CD300LD: variants seen among roughly 807,000 people sequenced by gnomAD.
The protein encoded by CD300LD is CMRF35-like molecule 5.
Under a neutral mutation model 20.3 loss-of-function variants are expected in CD300LD, and 18 were observed. That is an observed-to-expected ratio of 0.89 (90% CI 0.61 to 1.32). CD300LD has a LOEUF of 1.32. Ranked by LOEUF, CD300LD falls within the 40% of genes most tolerant of loss-of-function variation. The pLI, the probability that CD300LD is intolerant of heterozygous loss-of-function variation, is 0.00. For synonymous variants in CD300LD, 104 were observed against 90.1 expected, an observed-to-expected ratio of 1.15 and a Z score of -0.87; for missense variants, 195 against 226.6, an observed-to-expected ratio of 0.86 and a Z score of 0.90.
intron 1 of CD300LD, among the ~76,000 whole-genome samples, chr17:74,591,268 A>AAATAAAAATAATAATAATAAT (rs1555650258): frequency 2.1e-5 from 3 of 142,390 alleles, no homozygotes; most frequent in African/African-American, 7.8e-5. Context: ...AAAAAAATAA[A>AAATAAAAATAATAATAATAAT]AATAATAATA....
rs766967345 is a variant in CD300LD, at chr17:74,588,787, A to G, written c.103T>C (p.Leu35=). 6.2e-7 allele frequency: 1 copy of G among 1,614,198 alleles called. No individual in the cohort carries two copies. The highest frequency in any genetic ancestry group is 2.2e-5 in the East Asian group (1 of 44,888). ...GAGCCATAAGCACACTGCACAGTCA[A>G]TGAGCCCTGCTCCGAGCCATTCACT... ...TTVNGSEQGS[L]TVQCAYGSGW... is the part of the protein sequence containing the mutation. The change falls in exon 2 of 4, where the codon TTG becomes CTG. Residue 35 remains leucine, a synonymous_variant. Transcript: ENST00000375352.
chr17:74,580,270 C>G (rs1467100083), intron 3 of CD300LD, among the ~76,000 whole-genome samples, 157 bp from the exon 4 acceptor site: 1 of 152,206 alleles, frequency 6.6e-6, no homozygotes, highest in Admixed American at 6.5e-5. Context: ...AGTCACACTG[C>G]TCACCAGCGA....
At chr17:74,587,831 C>T (rs1382334951) in intron 2 of CD300LD, among the ~76,000 whole-genome samples, 1 of 151,944 alleles carries the variant, frequency 6.6e-6, no homozygotes, top group Non-Finnish European at 1.5e-5. Flanking sequence ...GCAACAGACT[C>T]AGGCACTGAG....
rs571248364 is a variant in CD300LD at position 74,582,295 on chromosome 17, G to C, written c.396C>G (p.Val132=). Residue 132 remains valine (V), a synonymous_variant, in exon 3 of 4, where the codon GTC becomes GTG. Coordinates refer to ENST00000375352, the MANE Select transcript of CD300LD (RefSeq NM_001115152.2). ...VTINPGTQTA[V]SEWTTTTASL... ...TTGCTGTTGTGGTTGTCCATTCTGA[G>C]ACTGCAGTTTGTGTGCCTAAACATA... 1 of 1,613,570 alleles carries C rather than the reference G, an allele frequency of 6.2e-7. No homozygotes were observed. Among genetic ancestry groups the C allele is most frequent in the African/African-American group, 1.3e-5 (1 of 74,896 alleles).
intron 3 of CD300LD, among the ~76,000 whole-genome samples, chr17:74,580,731 A>G (rs1598126203): frequency 6.6e-6 from 1 of 151,624 alleles, no homozygotes; most frequent in South Asian, 2.1e-4. Flanking sequence ...TGTTTCTTTC[A>G]CCTCAGCGCA....
intron 3 of CD300LD, 102 bp from the exon 4 acceptor site, chr17:74,580,215 G>A (rs752259115): frequency 2.5e-6 from 2 of 785,840 alleles, no homozygotes; most frequent in African/African-American, 1.7e-5. Flanking sequence ...TCTATGTGAG[G>A]GTAAGCCTGG....
intron 2 of CD300LD, chr17:74,585,072 A>G (rs929967303): frequency 6.6e-6 from 1 of 152,190 alleles, no homozygotes; most frequent in Admixed American, 6.5e-5. Context: ...TTGAGGTGCA[A>G]CATTATGTGC....
rs750999572 is a variant in CD300LD at position 74,588,589 on chromosome 17, C to A, written c.301G>T (p.Asp101Tyr). 6.2e-7 allele frequency: 1 copy of A among 1,614,204 alleles called. No individual in the cohort carries two copies. Among genetic ancestry groups the A allele is most frequent in the Non-Finnish European group, 8.5e-7 (1 of 1,180,022 alleles). The change falls in exon 2 of 4, where the codon GAT becomes TAT. Residue 101 changes from aspartate to tyrosine, a missense_variant. Physicochemically the swap from Asp to Tyr is radical, Grantham distance 160 (BLOSUM62 -3). Transcript: ENST00000375352. The stretch of plus-strand genomic sequence containing the variant: ...GTCCCACACCAATAACTGTCAGCAT[C>A]ATCTCTTTTGAGATTCTCCATGGTC... ...TVTMENLKRD[D>Y]ADSYWCGTER...
intron 2 of CD300LD, among the ~76,000 whole-genome samples, chr17:74,588,045 A>G (rs1355204747): frequency 6.6e-6 from 1 of 152,148 alleles, no homozygotes; most frequent in Non-Finnish European, 1.5e-5. Flanking sequence ...TTTGTTTCTT[A>G]CAGTTATGGA....
At chr17:74,579,120 C>T (rs570922354), downstream of CD300LD, among the ~76,000 whole-genome samples, 1 of 152,338 alleles carries the variant, frequency 6.6e-6, no homozygotes, top group East Asian at 1.9e-4. Flanking sequence ...CGTACTCATC[C>T]AGGAATCTCC....
intron 3 of CD300LD, among the ~76,000 whole-genome samples, chr17:74,580,709 T>A (rs1047307571): frequency 6.6e-6 from 1 of 152,108 alleles, no homozygotes; most frequent in Admixed American, 6.6e-5. Flanking sequence ...ACCTCCCAAC[T>A]TGGGCCTTCG....
chr17:74,579,831 G>A lies in CD300LD; in HGVS notation c.*171C>T. ...GCCTGGGAGGGGAAAGTTGCAGTGA[G>A]CAGAGATTACACCATTGCATTCCAG... On this transcript the variant is annotated 3_prime_UTR_variant, in exon 4 of 4. Coordinates refer to ENST00000375352, the MANE Select transcript of CD300LD (RefSeq NM_001115152.2). The A allele has an allele frequency of 2.2e-6, 1 of 452,872 alleles. No individual in the cohort carries two copies. The allele number at this position is 452,872 out of a possible 1,614,324, so 28.1% of individuals were successfully genotyped here.
chr17:74,582,524 G>A (rs975404651), intron 2 of CD300LD, among the ~76,000 whole-genome samples: 9 of 152,224 alleles, frequency 5.9e-5, no homozygotes, highest in Admixed American at 5.9e-4. Flanking sequence ...GACTAAGGAG[G>A]GAATTTGCAA....
chr17:74,586,965 C>A (rs1017075347), intron 2 of CD300LD, among the ~76,000 whole-genome samples: 1 of 152,132 alleles, frequency 6.6e-6, no homozygotes, highest in Non-Finnish European at 1.5e-5. Flanking sequence ...GCCTGACCAA[C>A]ATGGAGAAAC....
intron 2 of CD300LD, among the ~76,000 whole-genome samples, chr17:74,585,669 A>G (rs558374801): frequency 1.3e-5 from 2 of 152,360 alleles, no homozygotes; most frequent in East Asian, 3.8e-4. Flanking sequence ...AAGCGAGTGT[A>G]GTTAATAATG....
chr17:74,591,991 C>T, intron 1 of CD300LD, 172 bp downstream of exon 1: 1 of 1,539,188 alleles, frequency 6.5e-7, no homozygotes, highest in Non-Finnish European at 8.8e-7. Context: ...CAGCATCTAA[C>T]ACAGAACCTG....
intron 2 of CD300LD, among the ~76,000 whole-genome samples, chr17:74,587,283 A>G (rs1200330702): frequency 1.3e-5 from 2 of 152,144 alleles, no homozygotes; most frequent in African/African-American, 2.4e-5. Context: ...CCAGTTATCT[A>G]TTTCTTCTTG....
At position 74,583,135 on chromosome 17, in the gene CD300LD, C is replaced by T. The variant is rs114686618; in HGVS notation, c.380-824G>A. 7.6e-3 allele frequency among the ~76,000 whole-genome samples: 1,155 copies of T among 152,146 alleles called. 21 individuals are homozygous for T. Among genetic ancestry groups the T allele is most frequent in the African/African-American group, 0.027 (1,104 of 41,474 alleles). ...AGTCAACACATTCATAATCCCCATG[C>T]CCGCCCTCCCCCTTACTCTGTCCCC... On this transcript the variant is annotated intron_variant, in intron 2 of 3. Transcript: ENST00000375352.
At chr17:74,584,507 C>T (rs2143279651) in intron 2 of CD300LD, among the ~76,000 whole-genome samples, 1 of 152,282 alleles carries the variant, frequency 6.6e-6, no homozygotes, top group South Asian at 2.1e-4. Flanking sequence ...GTGCTGAGGG[C>T]AGTCACACCC....
Sources: allele counts gnomAD v4.1 joint callset (sites outside exome capture counted in the v4.1 genomes callset), GRCh38; gene constraint gnomAD v4.1.1; transcripts MANE v1.5; gene names NCBI Gene and HGNC (gene_info 2026-07-23, HGNC 2026-07-21).